Variants in MLIP observed in about 807,000 individuals in gnomAD.
MLIP encodes muscular LMNA interacting protein, also known as muscular LMNA-interacting protein.
A neutral mutation model predicts 84.8 loss-of-function variants in MLIP; 79 were observed. That is an observed-to-expected ratio of 0.93 (90% CI 0.78 to 1.12). The LOEUF (loss-of-function observed/expected upper bound fraction) is 1.12, where lower values mean the gene tolerates loss of function less well. Among genes scored for constraint, MLIP ranks in the 50% most tolerant of loss-of-function variants. The pLI is 0.00. For missense variants in MLIP, 1,257 were observed against 1,160.6 expected (o/e 1.08, Z -1.21); for synonymous variants, 504 against 463.0 (o/e 1.09, Z -1.14).
At chr6:54,185,944 C>T (rs929831676) in intron 9 of MLIP, among the ~76,000 whole-genome samples, 2 of 152,086 alleles carry the variant, frequency 1.3e-5, no homozygotes, top group African/African-American at 4.8e-5. Context: ...CTAACCTGGC[C>T]CACAGCAATT....
At chr6:54,165,462 T>G (rs1321961744) in intron 8 of MLIP, among the ~76,000 whole-genome samples, 2 of 151,982 alleles carry the variant, frequency 1.3e-5, no homozygotes, top group African/African-American at 2.4e-5. Flanking sequence ...CATCGTTACC[T>G]CTTTACAACC....
intron 9 of MLIP, among the ~76,000 whole-genome samples, chr6:54,182,835 C>A (rs1777021923): frequency 6.6e-6 from 1 of 152,082 alleles, no homozygotes; most frequent in East Asian, 1.9e-4. Flanking sequence ...ACTAATGCAT[C>A]AAAAAACTCT....
chr6:54,142,141 G>A (rs533135974), intron 4 of MLIP, among the ~76,000 whole-genome samples: 3 of 152,192 alleles, frequency 2.0e-5, no homozygotes, highest in Non-Finnish European at 4.4e-5. Context: ...TAGTTAATCT[G>A]GGTTCAAGCA....
At chr6:54,020,789 C>T (rs1408171149) in intron 1 of MLIP, among the ~76,000 whole-genome samples, 2 of 152,132 alleles carry the variant, frequency 1.3e-5, no homozygotes, top group Admixed American at 6.5e-5. Context: ...TAGGTCTAGC[C>T]TCAGATTGAC....
At chr6:54,172,302 T>A (rs2150601632) in intron 9 of MLIP, among the ~76,000 whole-genome samples, 1 of 151,820 alleles carries the variant, frequency 6.6e-6, no homozygotes, top group South Asian at 2.1e-4. Flanking sequence ...GGATCAAGAC[T>A]ATACTAGTCA....
At chr6:54,132,559 C>T (rs1413458423) in intron 3 of MLIP, among the ~76,000 whole-genome samples, 1 of 152,062 alleles carries the variant, frequency 6.6e-6, no homozygotes, top group Non-Finnish European at 1.5e-5. Context: ...ATCTGTTGAG[C>T]ATAATGGGAG....
At chr6:54,135,852 T>C (rs1347224041) in intron 3 of MLIP, among the ~76,000 whole-genome samples, 1 of 152,190 alleles carries the variant, frequency 6.6e-6, no homozygotes, top group Non-Finnish European at 1.5e-5. Context: ...CATCCAGTTG[T>C]TTCACAGGCT....
chr6:54,210,137 T>TCACCTCACCTCACCG (rs1554185042), intron 11 of MLIP, among the ~76,000 whole-genome samples: 1,021 of 150,606 alleles, frequency 6.8e-3, no homozygotes, highest in South Asian at 0.013. Flanking sequence ...CCACCTCACC[T>TCACCTCACCTCACCG]CACCGCACCG....
At chr6:54,229,391 A>T (rs1780820701) in intron 11 of MLIP, among the ~76,000 whole-genome samples, 2 of 152,180 alleles carry the variant, frequency 1.3e-5, no homozygotes. Context: ...GTTCCAGGGT[A>T]TATGTGCAGG....
At chr6:54,115,481 A>C (rs574914882) in intron 1 of MLIP, among the ~76,000 whole-genome samples, 1 of 152,302 alleles carries the variant, frequency 6.6e-6, no homozygotes, top group Admixed American at 6.5e-5. Flanking sequence ...TGATGGTCAG[A>C]GAATGAAGAA....
intron 1 of MLIP, among the ~76,000 whole-genome samples, chr6:54,060,268 T>G (rs954102957): frequency 1.3e-5 from 2 of 152,216 alleles, no homozygotes; most frequent in Non-Finnish European, 2.9e-5. Flanking sequence ...TTGCCAAAAT[T>G]CTCAAGTGCT....
chr6:54,140,327 G>T (rs946583562), intron 4 of MLIP, among the ~76,000 whole-genome samples: 5 of 152,070 alleles, frequency 3.3e-5, no homozygotes, highest in Admixed American at 3.3e-4. Context: ...TACATTAAAG[G>T]CATATTTATT....
In MLIP at chr6:54,137,488, C is replaced by T. The variant is rs1395918663; in HGVS notation, c.1419C>T (p.Ala473=). The change falls in exon 4 of 14, where the codon GCC becomes GCT. Residue 473 remains alanine, a synonymous_variant. Coordinates refer to ENST00000502396, the MANE Select transcript of MLIP (RefSeq NM_001281747.2). ...CTCTCTCAAGTTGTTCCCTGAGAGC[C>T]GGGTCACCAGATCAAGGGGAACTCC... The part of the protein sequence containing the change: ...KKSLSSCSLR[A]GSPDQGELQV... The T allele has an allele frequency of 2.6e-6, 4 of 1,536,064 alleles. No individual in the cohort carries two copies. Among genetic ancestry groups the T allele is most frequent in the Non-Finnish European group, 3.5e-6 (4 of 1,146,896 alleles).
At chr6:54,255,538 G>T (rs1782950292) in intron 12 of MLIP, among the ~76,000 whole-genome samples, 1 of 152,090 alleles carries the variant, frequency 6.6e-6, no homozygotes, top group Admixed American at 6.6e-5. Flanking sequence ...ACAGAAGAAA[G>T]CATGCCAAAG....
intron 3 of MLIP, among the ~76,000 whole-genome samples, chr6:54,135,644 TTTA>T (rs1476698200): frequency 1.3e-5 from 2 of 152,158 alleles, no homozygotes; most frequent in African/African-American, 4.8e-5. Flanking sequence ...AATCTTAATA[TTTA>T]TTGATATTTT....
At chr6:54,215,974 T>C in intron 11 of MLIP, 1 of 195,104 alleles carries the variant, frequency 5.1e-6, no homozygotes, top group Non-Finnish European at 9.3e-6. Context: ...ATATTTGGAA[T>C]TCATTCATGT....
At chr6:54,141,586 C>T (rs1044714774) in intron 4 of MLIP, among the ~76,000 whole-genome samples, 2 of 152,120 alleles carry the variant, frequency 1.3e-5, no homozygotes, top group African/African-American at 4.8e-5. Flanking sequence ...GGATTACAGG[C>T]GTGAGCCACC....
intron 12 of MLIP, among the ~76,000 whole-genome samples, chr6:54,245,886 T>A (rs6912146): frequency 0.033 from 5,083 of 152,236 alleles, 252 homozygotes; most frequent in African/African-American, 0.11. Context: ...ATTTTGAAAC[T>A]TCAGGGCAAA....
intron 1 of MLIP, among the ~76,000 whole-genome samples, chr6:54,088,970 A>G (rs538653258): frequency 6.6e-6 from 1 of 152,030 alleles, no homozygotes; most frequent in Non-Finnish European, 1.5e-5. Context: ...TTTGAGGTCT[A>G]TAGCAAAGAA....
Sources: allele counts gnomAD v4.1 joint callset (sites outside exome capture counted in the v4.1 genomes callset), GRCh38; gene constraint gnomAD v4.1.1; transcripts MANE v1.5; gene names NCBI Gene and HGNC (gene_info 2026-07-23, HGNC 2026-07-21).